The following EYA4 variants were observed in gnomAD, a reference collection of about 807,000 sequenced individuals.
EYA4 encodes protein phosphatase EYA4.
In EYA4, 31 loss-of-function variants were observed where a neutral mutation model predicts 87.9. The ratio of observed to expected loss-of-function variants is 0.35; its 90% CI spans 0.27 to 0.48. The LOEUF is 0.48. EYA4 is among the 20% of genes least tolerant of loss of function. The pLI is 0.99. For synonymous variants in EYA4, 263 were observed against 270.6 expected, an observed-to-expected ratio of 0.97 and a Z score of 0.28; for missense variants, 678 against 761.4, an observed-to-expected ratio of 0.89 and a Z score of 1.29.
chr6:133,391,467 C>T (rs1289620785), intron 3 of EYA4, among the ~76,000 whole-genome samples: 2 of 152,136 alleles, frequency 1.3e-5, no homozygotes, highest in South Asian at 2.1e-4. Flanking sequence ...TCTCCCTGTT[C>T]ATCTCTTATT....
intron 2 of EYA4, among the ~76,000 whole-genome samples, chr6:133,305,768 TG>T (rs1779756597): frequency 6.6e-6 from 1 of 152,162 alleles, no homozygotes; most frequent in South Asian, 2.1e-4. Context: ...CTGGGGAAGT[TG>T]AAGGTATTCA....
At chr6:133,436,017 G>A (rs747133679) in intron 3 of EYA4, among the ~76,000 whole-genome samples, 1 of 152,000 alleles carries the variant, frequency 6.6e-6, no homozygotes, top group Non-Finnish European at 1.5e-5. Context: ...TCAGGAGTTC[G>A]AGACCAGCCT....
chr6:133,300,645 G>A (rs941731951), intron 2 of EYA4, among the ~76,000 whole-genome samples: 2 of 152,200 alleles, frequency 1.3e-5, no homozygotes, highest in East Asian at 3.9e-4. Context: ...CTCCCGAGTT[G>A]GTGGGACTAC....
intron 3 of EYA4, among the ~76,000 whole-genome samples, chr6:133,419,576 AT>A (rs1240126105): frequency 6.6e-6 from 1 of 152,182 alleles, no homozygotes; most frequent in Non-Finnish European, 1.5e-5. Flanking sequence ...TAATGAGATA[AT>A]TTTATCCTGT....
chr6:133,513,028 C>T lies in EYA4; in HGVS notation c.1491C>T (p.Asn497=). ...AAGAATTATATAACACCTACAAGAA[C>T]AACGTTGGAGGTATGTGTGGCTTTT... The part of the protein sequence containing the change: ...RVKELYNTYK[N]NVGGLLGPAK... The change falls in exon 16 of 20, where the codon AAC becomes AAT. Residue 497 remains asparagine, a synonymous_variant. Transcript: ENST00000355286. The T allele has an allele frequency of 6.2e-7, 1 of 1,613,894 alleles. No individual in the cohort carries two copies. The highest frequency in any genetic ancestry group is 1.1e-5 in the South Asian group (1 of 91,072).
At chr6:133,494,929 C>A (rs1307172628) in intron 13 of EYA4, among the ~76,000 whole-genome samples, 3 of 151,888 alleles carry the variant, frequency 2.0e-5, no homozygotes, top group Non-Finnish European at 4.4e-5. Flanking sequence ...TGATGGATAC[C>A]CCATTTACCC....
chr6:133,430,432 G>A (rs531485938), intron 3 of EYA4, among the ~76,000 whole-genome samples: 123 of 152,272 alleles, frequency 8.1e-4, no homozygotes, highest in African/African-American at 2.9e-3. Flanking sequence ...ACTTCAGGTA[G>A]AACTGTGTTT....
chr6:133,384,717 TC>T (rs1224518001), intron 3 of EYA4, among the ~76,000 whole-genome samples: 1 of 152,130 alleles, frequency 6.6e-6, no homozygotes, highest in Non-Finnish European at 1.5e-5. Flanking sequence ...TGTTCTTGGA[TC>T]CTGTATTTAT....
At chr6:133,383,516 T>G (rs1242459617) in intron 3 of EYA4, among the ~76,000 whole-genome samples, 1 of 3,112 alleles carries the variant, frequency 3.2e-4, no homozygotes, top group Non-Finnish European at 4.3e-3. Flanking sequence ...AGACTCCATC[T>G]CAAAAAAAAA....
chr6:133,292,032 T>C (rs532418347), intron 2 of EYA4, among the ~76,000 whole-genome samples: 12 of 152,324 alleles, frequency 7.9e-5, no homozygotes, highest in Non-Finnish European at 1.6e-4. Context: ...GGCAATAATT[T>C]GTGACTGAAA....
chr6:133,430,764 A>G (rs1234984671), intron 3 of EYA4, among the ~76,000 whole-genome samples: 2 of 152,242 alleles, frequency 1.3e-5, no homozygotes, highest in African/African-American at 4.8e-5. Context: ...ACAAGTGTTC[A>G]TTGAGCACTT....
chr6:133,523,598 T>C (rs928466206), intron 18 of EYA4, among the ~76,000 whole-genome samples: 1 of 152,078 alleles, frequency 6.6e-6, no homozygotes, highest in East Asian at 1.9e-4. Flanking sequence ...CAGAAAAAAA[T>C]TAAGAGTTTT....
chr6:133,248,641 A>G (rs910496155), intron 1 of EYA4: 2 of 152,248 alleles, frequency 1.3e-5, no homozygotes, highest in Non-Finnish European at 2.9e-5. Context: ...GGGAATCAGC[A>G]GATCTCTACA....
intron 3 of EYA4, among the ~76,000 whole-genome samples, chr6:133,413,621 A>G (rs539842597): frequency 4.6e-5 from 7 of 152,172 alleles, no homozygotes; most frequent in South Asian, 4.2e-4. Flanking sequence ...CCCTTAAGCA[A>G]TGTTGCTTCC....
At chr6:133,323,181 C>A (rs149372451) in intron 2 of EYA4, among the ~76,000 whole-genome samples, 106 of 152,092 alleles carry the variant, frequency 7.0e-4, no homozygotes, top group African/African-American at 2.5e-3. Flanking sequence ...CCCAAGCCAA[C>A]ATAATTCTTG....
At chr6:133,312,291 G>A (rs974065477) in intron 2 of EYA4, among the ~76,000 whole-genome samples, 1 of 151,938 alleles carries the variant, frequency 6.6e-6, no homozygotes, top group African/African-American at 2.4e-5. Flanking sequence ...TAGGCTTTTG[G>A]TTAAGCACTT....
At chr6:133,446,867 CATT>C in intron 4 of EYA4, 113 bp downstream of exon 4, 1 of 1,044,866 alleles carries the variant, frequency 9.6e-7, no homozygotes, top group Non-Finnish European at 1.4e-6. Context: ...CACAAATCAG[CATT>C]ATATCCAAGG....
intron 11 of EYA4, among the ~76,000 whole-genome samples, chr6:133,472,731 G>T (rs2128685361): frequency 1.0e-5 from 1 of 99,960 alleles, no homozygotes; most frequent in Non-Finnish European, 2.0e-5. Flanking sequence ...GGGAGTCTAA[G>T]TCTCTTTGTA....
intron 2 of EYA4, among the ~76,000 whole-genome samples, chr6:133,343,483 T>TTCC (rs1782950568): frequency 6.6e-6 from 1 of 151,998 alleles, no homozygotes; most frequent in South Asian, 2.1e-4. Flanking sequence ...TTGTTTTTCA[T>TTCC]TCCTCGGTGC....
Sources: allele counts gnomAD v4.1 joint callset (sites outside exome capture counted in the v4.1 genomes callset), GRCh38; gene constraint gnomAD v4.1.1; transcripts MANE v1.5; gene names NCBI Gene and HGNC (gene_info 2026-07-23, HGNC 2026-07-21).